BMP8A: variants seen among roughly 807,000 people sequenced by gnomAD.
BMP8A encodes the protein bone morphogenetic protein 8a, also known as BMP-8A.
BMP8A carries 14 observed loss-of-function variants against 36.8 expected under a neutral mutation model. The observed-to-expected ratio is 0.38, with a 90% CI of 0.25 to 0.60. BMP8A has a LOEUF of 0.60. Ranked by LOEUF, BMP8A falls within the 20% of genes least tolerant of loss-of-function variation. The pLI, the probability that BMP8A is intolerant of heterozygous loss-of-function variation, is 0.63. For missense variants in BMP8A, 267 were observed against 551.1 expected (o/e 0.48, Z 5.16); for synonymous variants, 120 against 237.7 (o/e 0.50, Z 4.55).
In BMP8A at chr1:39,522,368, C is replaced by T. The variant is rs148831881; in HGVS notation, c.869-35C>T. 9.6e-4 allele frequency: 1,397 copies of T among 1,451,394 alleles called. 19 individuals carry two copies. The African/African-American group carries it at 0.017, about 18-fold the overall frequency. The allele number at this position is 1,451,394 out of a possible 1,614,324, so 89.9% of individuals were successfully genotyped here. On this transcript the variant is annotated intron_variant, in intron 4 of 6. Coordinates refer to ENST00000331593, the MANE Select transcript of BMP8A (RefSeq NM_181809.4). Reference sequence around the variant, plus strand: ...CCATAGTAGCTGCACACAGCAGGAACCCCAGAAAAGACCTTGCCCCTTCTG... The same window carrying T: ...CCATAGTAGCTGCACACAGCAGGAATCCCAGAAAAGACCTTGCCCCTTCTG...
intron 3 of BMP8A, among the ~76,000 whole-genome samples, chr1:39,516,821 G>C (rs1022639741): frequency 6.6e-6 from 1 of 151,990 alleles, no homozygotes; most frequent in African/African-American, 2.4e-5. Flanking sequence ...CCTCGTACTT[G>C]AACCATGAAA....
intron 1 of BMP8A, among the ~76,000 whole-genome samples, chr1:39,494,446 G>C (rs185615391): frequency 6.6e-6 from 1 of 151,182 alleles, no homozygotes; most frequent in Non-Finnish European, 1.5e-5. Flanking sequence ...TAATTCCCGG[G>C]CTCCAGCAAT....
At chr1:39,497,727 A>G (rs1057311087) in intron 1 of BMP8A, among the ~76,000 whole-genome samples, 3 of 151,892 alleles carry the variant, frequency 2.0e-5, no homozygotes, top group African/African-American at 7.3e-5. Context: ...AACAGGACCA[A>G]TTCTGACTCT....
intron 1 of BMP8A, among the ~76,000 whole-genome samples, chr1:39,506,592 G>A (rs932947536): frequency 6.6e-6 from 1 of 152,160 alleles, no homozygotes; most frequent in Non-Finnish European, 1.5e-5. Context: ...TGTATGGGAA[G>A]TCTCTGCACT....
chr1:39,525,634 T>A lies in BMP8A; in HGVS notation c.1060-15T>A. 2 of 1,613,274 alleles carry A rather than the reference T, an allele frequency of 1.2e-6. No homozygotes were observed. The highest frequency in any genetic ancestry group is 1.7e-6 in the Non-Finnish European group (2 of 1,179,946). ...ACTGGCCTCATGCCCCTGCCTGTGCTCCCTTCCTGGCCAGGTGCACCTGAT... is the reference window on the plus strand; with the variant it reads ...ACTGGCCTCATGCCCCTGCCTGTGCACCCTTCCTGGCCAGGTGCACCTGAT... On this transcript the variant is annotated splice_polypyrimidine_tract_variant and intron_variant, in intron 6 of 6. Coordinates refer to ENST00000331593, the MANE Select transcript of BMP8A (RefSeq NM_181809.4).
chr1:39,524,935 G>A lies in BMP8A; in HGVS notation c.1060-714G>A, dbSNP rs1645466799. ...TCTCAGGGAAGGGAGGAGGCGAAAGGAGTCATCCAGGAGGCCTCCCAGGCG... is the reference window on the plus strand; with the variant it reads ...TCTCAGGGAAGGGAGGAGGCGAAAGAAGTCATCCAGGAGGCCTCCCAGGCG... On this transcript the variant is annotated intron_variant, in intron 6 of 6. Transcript: ENST00000331593. The surrounding 1 kb of genome is among the most constrained non-coding windows in gnomAD (Gnocchi z 4.0). The A allele has an allele frequency of 6.6e-6, 1 of 152,628 alleles. No homozygotes were observed. The highest frequency in any genetic ancestry group is 1.5e-5 in the Non-Finnish European group (1 of 68,354). 9.5% of individuals were successfully genotyped at this position (152,628 alleles called of 1,614,324 possible). A position where few individuals can be genotyped will look rare whatever the true frequency, so the allele number is the denominator to read the frequency against.
chr1:39,514,726 C>T (rs1311619251), intron 3 of BMP8A, among the ~76,000 whole-genome samples: 4 of 152,282 alleles, frequency 2.6e-5, no homozygotes, highest in Admixed American at 1.3e-4. Context: ...GTCCTGCGCC[C>T]GGGCCTGTGC....
intron 1 of BMP8A, among the ~76,000 whole-genome samples, chr1:39,509,833 G>A (rs1353351443): frequency 1.3e-5 from 2 of 152,166 alleles, no homozygotes; most frequent in Admixed American, 6.5e-5. Context: ...GGCACTGGGC[G>A]GCTCCCACCC....
intron 1 of BMP8A, among the ~76,000 whole-genome samples, chr1:39,500,688 T>C (rs942394954): frequency 2.0e-5 from 3 of 152,168 alleles, no homozygotes; most frequent in African/African-American, 7.2e-5. Context: ...AGTCTTGCTC[T>C]GTCACCCTGG....
chr1:39,523,626 G>A lies in BMP8A; in HGVS notation c.1059+509G>A, dbSNP rs1223317669. On this transcript the variant is annotated intron_variant, in intron 6 of 6. Transcript: ENST00000331593. ...GCTCTCAACCTTTTGGCTTTTTCCCGCAGTTTCTCTCTTGGCTGTCTGTGT... is the reference window on the plus strand; with the variant it reads ...GCTCTCAACCTTTTGGCTTTTTCCCACAGTTTCTCTCTTGGCTGTCTGTGT... The A allele has an allele frequency of 2.2e-5, 32 of 1,442,314 alleles. No homozygotes were observed. The South Asian group carries it at 2.9e-4, about 13-fold the overall frequency. The allele number at this position is 1,442,314 out of a possible 1,614,324, so 89.3% of individuals were successfully genotyped here. A position where few individuals can be genotyped will look rare whatever the true frequency, so the allele number is the denominator to read the frequency against.
chr1:39,501,709 CT>C (rs906619613), intron 1 of BMP8A, among the ~76,000 whole-genome samples: 14 of 152,206 alleles, frequency 9.2e-5, no homozygotes, highest in Non-Finnish European at 1.9e-4. Context: ...AGTGGTCCTC[CT>C]GCCTGGCCTC....
At chr1:39,518,133 G>A (rs188617222) in intron 3 of BMP8A, among the ~76,000 whole-genome samples, 4 of 152,314 alleles carry the variant, frequency 2.6e-5, no homozygotes, top group South Asian at 4.1e-4. Context: ...GCGTGCACAC[G>A]TGCTGTTGAC....
At chr1:39,511,005 C>T (rs1451945471) in intron 1 of BMP8A, among the ~76,000 whole-genome samples, 169 bp from the exon 2 acceptor site, 4 of 152,198 alleles carry the variant, frequency 2.6e-5, no homozygotes, top group Admixed American at 1.3e-4. Context: ...ACCCCGGGAC[C>T]AAGCCTGGAA....
intron 1 of BMP8A, among the ~76,000 whole-genome samples, chr1:39,495,345 G>A (rs1038007124): frequency 3.9e-5 from 6 of 152,150 alleles, no homozygotes; most frequent in African/African-American, 9.6e-5. Context: ...CCAAGCCTGC[G>A]TCCTGATGTT....
At chr1:39,507,362 A>G (rs1645310796) in intron 1 of BMP8A, among the ~76,000 whole-genome samples, 1 of 152,226 alleles carries the variant, frequency 6.6e-6, no homozygotes, top group Non-Finnish European at 1.5e-5. Context: ...AATTCCCTCC[A>G]TGGACCCTCA....
chr1:39,517,234 C>T (rs184277736), intron 3 of BMP8A, among the ~76,000 whole-genome samples: 1 of 151,842 alleles, frequency 6.6e-6, no homozygotes, highest in South Asian at 2.1e-4. Context: ...TGAGCTCAAG[C>T]GATCCACTTG....
chr1:39,520,527 ATCTCCAGGGTTAG>A (rs1199107683), intron 3 of BMP8A, among the ~76,000 whole-genome samples: 1 of 99,722 alleles, frequency 1.0e-5, no homozygotes, highest in Non-Finnish European at 2.0e-5. Context: ...GAGGCTTGGC[ATCTCCAGGGTTAG>A]TTATCATGTT....
chr1:39,492,775 C>G (rs1366242592), intron 1 of BMP8A, among the ~76,000 whole-genome samples: 4 of 152,172 alleles, frequency 2.6e-5, no homozygotes, highest in African/African-American at 4.8e-5. Context: ...AGTCGCGTGC[C>G]CTGAGTCCAC....
chr1:39,504,571 G>A (rs149110276), intron 1 of BMP8A, among the ~76,000 whole-genome samples: 17 of 152,298 alleles, frequency 1.1e-4, no homozygotes, highest in South Asian at 1.0e-3. Flanking sequence ...TCTCAGGGTC[G>A]TGGGTTCAAG....
Sources: gnomAD v4.1 joint callset for allele counts (sites outside exome capture counted in the v4.1 genomes callset) on GRCh38, gnomAD v4.1.1 for gene constraint, Gnocchi (gnomAD v3.1) non-coding constraint, MANE v1.5 for transcripts, NCBI Gene and HGNC (gene_info 2026-07-23, HGNC 2026-07-21) for gene names.